TDG: variants seen among roughly 807,000 people sequenced by gnomAD.
TDG encodes G/T mismatch-specific thymine DNA glycosylase.
Under a neutral mutation model 46.1 loss-of-function variants are expected in TDG, and 23 were observed. The ratio of observed to expected loss-of-function variants is 0.50; its 90% CI spans 0.36 to 0.71. The LOEUF is 0.71. Among genes scored for constraint, TDG ranks in the 30% least tolerant of loss-of-function variants. TDG has a pLI of 0.00. For missense variants in TDG, 304 were observed against 486.7 expected (o/e 0.62, Z 3.53); for synonymous variants, 115 against 161.3 (o/e 0.71, Z 2.18).
rs4135043 is a variant in TDG at position 103,967,273 on chromosome 12, A to G, written c.23+1213A>G. 7.5e-3 allele frequency among the ~76,000 whole-genome samples: 1,138 copies of G among 152,216 alleles called. 11 individuals are homozygous for G. Among genetic ancestry groups the G allele is most frequent in the African/African-American group, 0.026 (1,077 of 41,538 alleles). Reference sequence around the variant, plus strand: ...TGATATGTCGGCCTGACTTCATCCAAAAGGCTATAGACCAGATTTTATTTT... The same window carrying G: ...TGATATGTCGGCCTGACTTCATCCAGAAGGCTATAGACCAGATTTTATTTT... On this transcript the variant is annotated intron_variant, in intron 1 of 9. Transcript: ENST00000392872.
At chr12:103,986,850 A>G in intron 9 of TDG, 98 bp from the exon 10 acceptor site, 1 of 1,376,516 alleles carries the variant, frequency 7.3e-7, no homozygotes, top group Non-Finnish European at 1.0e-6. Context: ...ATGCCACTGC[A>G]TTCCAGCCTG....
intron 3 of TDG, chr12:103,980,371 T>A (rs1489446679): frequency 6.1e-6 from 2 of 330,432 alleles, no homozygotes; most frequent in South Asian, 4.2e-5. Context: ...CACCCCCCGA[T>A]AGGGTTGCAA....
intron 2 of TDG, among the ~76,000 whole-genome samples, 182 bp from the exon 3 acceptor site, chr12:103,979,649 C>G (rs141147898): frequency 6.6e-6 from 1 of 151,958 alleles, no homozygotes; most frequent in Non-Finnish European, 1.5e-5. Flanking sequence ...GGGGGTTGCA[C>G]GAACCCAGTT....
At position 103,965,987 on chromosome 12, in the gene TDG, G is replaced by C. The variant is rs1263852912; in HGVS notation, c.-51G>C. On this transcript the variant is annotated 5_prime_UTR_variant, in exon 1 of 10. Coordinates refer to ENST00000392872, the MANE Select transcript of TDG (RefSeq NM_003211.6). ...GTACCACGCGGTACTACAGAGACCG[G>C]CTGCCCGTGTGCCCGGCAGGTGGAG... The C allele has an allele frequency of 6.3e-7, 1 of 1,581,366 alleles. No homozygotes were observed. The highest frequency in any genetic ancestry group is 1.1e-5 in the South Asian group (1 of 86,988).
chr12:103,973,063 CAG>C (rs1487126677), intron 1 of TDG: 13 of 673,220 alleles, frequency 1.9e-5, no homozygotes, highest in East Asian at 8.4e-5. Flanking sequence ...GACCATGTGA[CAG>C]AGTAAAAACA....
intron 7 of TDG, 80 bp from the exon 8 acceptor site, chr12:103,984,669 A>G: frequency 2.5e-6 from 3 of 1,188,618 alleles, no homozygotes; most frequent in Non-Finnish European, 3.3e-6. Context: ...TAACCCAAAT[A>G]AAGACAAATA....
chr12:103,972,894 A>T, intron 1 of TDG: 1 of 616,090 alleles, frequency 1.6e-6, no homozygotes, highest in East Asian at 2.9e-5. Context: ...AGTTTTGAAA[A>T]ATTTTTTTAA....
Position 103,987,129 on chromosome 12 carries a change from T to C in TDG, c.*39T>C. 3.1e-6 allele frequency: 5 copies of C among 1,602,016 alleles called. No individual in the cohort carries two copies. The highest frequency in any genetic ancestry group is 4.3e-6 in the Non-Finnish European group (5 of 1,171,220). Reference sequence around the variant, plus strand: ...CAGCTCTGCTTAAATGCTGCAGTTTTAATGCAGTTGTCAACAAGTAGAACC... The same window carrying C: ...CAGCTCTGCTTAAATGCTGCAGTTTCAATGCAGTTGTCAACAAGTAGAACC... On this transcript the variant is annotated 3_prime_UTR_variant, in exon 10 of 10. Coordinates refer to ENST00000392872, the MANE Select transcript of TDG (RefSeq NM_003211.6).
Position 103,987,177 on chromosome 12 carries a change from T to G in TDG, c.*87T>G. On this transcript the variant is annotated 3_prime_UTR_variant, in exon 10 of 10. Transcript: ENST00000392872. ...ACCTCAGTTTGCTAACTGAAGTGTTTTATTAGTATTTTACTCTAGTGGTGT... is the reference window on the plus strand; with the variant it reads ...ACCTCAGTTTGCTAACTGAAGTGTTGTATTAGTATTTTACTCTAGTGGTGT... 2.6e-6 allele frequency: 4 copies of G among 1,555,592 alleles called. No individual in the cohort carries two copies. Among genetic ancestry groups the G allele is most frequent in the Non-Finnish European group, 3.5e-6 (4 of 1,139,550 alleles).
intron 1 of TDG, among the ~76,000 whole-genome samples, chr12:103,976,202 C>A (rs1871528365): frequency 6.6e-6 from 1 of 152,058 alleles, no homozygotes; most frequent in South Asian, 2.1e-4. Flanking sequence ...CTCAGAAGTT[C>A]AAGACCAGCC....
At chr12:103,967,775 A>T (rs2136230738) in intron 1 of TDG, 1 of 151,472 alleles carries the variant, frequency 6.6e-6, no homozygotes, top group Middle Eastern at 3.4e-3. Context: ...TAGAAGACTA[A>T]TTTCAGATAT....
intron 9 of TDG, among the ~76,000 whole-genome samples, chr12:103,986,041 T>A (rs1872138135): frequency 6.6e-6 from 1 of 152,166 alleles, no homozygotes; most frequent in African/African-American, 2.4e-5. Flanking sequence ...TGCCTCAGCC[T>A]CCCGAGTAGC....
intron 1 of TDG, among the ~76,000 whole-genome samples, chr12:103,971,084 A>G (rs1261975193): frequency 6.6e-6 from 1 of 152,250 alleles, no homozygotes; most frequent in Non-Finnish European, 1.5e-5. Flanking sequence ...CATAGGTTAT[A>G]TACAAATACT....
At position 103,987,052 on chromosome 12, in the gene TDG, T is replaced by C. The variant is rs773291155; in HGVS notation, c.1195T>C (p.Cys399Arg). Residue 399 changes from cysteine to arginine, a missense_variant, in exon 10 of 10, where the codon TGT (cysteine) becomes CGT (arginine). Cys to Arg is a radical substitution (Grantham distance 180). Transcript: ENST00000392872. ...TDQIPSFSNH[C>R]GTQEQEEESH... ...CCAAATTCCTTCCTTTAGTAATCAC[T>C]GTGGAACACAAGAACAGGAAGAAGA... 13 of 1,614,106 alleles carry C rather than the reference T, an allele frequency of 8.1e-6. No homozygotes were observed. The East Asian group carries it at 1.1e-4, about 14-fold the overall frequency.
chr12:103,976,408 CCACACACACACA>C (rs144717913), intron 1 of TDG, among the ~76,000 whole-genome samples: 2 of 147,450 alleles, frequency 1.4e-5, no homozygotes, highest in Admixed American at 6.7e-5. Context: ...CCCTGTCTCC[CCACACACACACA>C]CACACACACA....
At chr12:103,970,144 T>C (rs1369029708) in intron 1 of TDG, among the ~76,000 whole-genome samples, 1 of 152,228 alleles carries the variant, frequency 6.6e-6, no homozygotes, top group Non-Finnish European at 1.5e-5. Context: ...CAGTATGGTA[T>C]ATGCTTTTTT....
chr12:103,966,091 T>G, intron 1 of TDG, 31 bp downstream of exon 1: 1 of 1,549,322 alleles, frequency 6.5e-7, no homozygotes, highest in African/African-American at 1.4e-5. Flanking sequence ...GCCCCTCCCT[T>G]GCGCCCCTCA....
Position 103,987,641 on chromosome 12 carries a change from G to C in TDG, c.*551G>C, listed in dbSNP as rs1209737263. On this transcript the variant is annotated 3_prime_UTR_variant, in exon 10 of 10. Transcript: ENST00000392872. The stretch of plus-strand genomic sequence containing the variant: ...CCTCTTTGCTTTACCAGTGGTGTTT[G>C]TGAGTTGCTCAGTAGTAAAAACTGG... 1 of 153,436 alleles carries C rather than the reference G, an allele frequency of 6.5e-6. No individual in the cohort carries two copies. Among genetic ancestry groups the C allele is most frequent in the Admixed American group, 6.4e-5 (1 of 15,534 alleles). 9.5% of individuals were successfully genotyped at this position (153,436 alleles called of 1,614,324 possible).
At position 103,966,193 on chromosome 12, in the gene TDG, T is replaced by C. The variant is rs1202441555; in HGVS notation, c.23+133T>C. 8 of 1,246,082 alleles carry C rather than the reference T, an allele frequency of 6.4e-6. No homozygotes were observed. In the Admixed American group the frequency reaches 2.0e-4, roughly 32 times the overall value. The allele number at this position is 1,246,082 out of a possible 1,614,324, so 77.2% of individuals were successfully genotyped here. On this transcript the variant is annotated intron_variant, in intron 1 of 9. Transcript: ENST00000392872. ...AAAGGCCGGGGCCGCGCGTGCGCAC[T>C]GTGGCCTGGTCGGCCTTTCCTTCCC...
Sources: gnomAD v4.1 joint callset for allele counts (sites outside exome capture counted in the v4.1 genomes callset) on GRCh38, gnomAD v4.1.1 for gene constraint, MANE v1.5 for transcripts, NCBI Gene and HGNC (gene_info 2026-07-23, HGNC 2026-07-21) for gene names.